Variants in YIPF7 observed in about 807,000 individuals in gnomAD.
YIPF7 encodes the protein Yip1 domain family member 7.
YIPF7 carries 35 observed loss-of-function variants against 27.2 expected under a neutral mutation model. The ratio of observed to expected loss-of-function variants is 1.29; its 90% CI spans 0.98 to 1.70. The LOEUF (loss-of-function observed/expected upper bound fraction) is 1.70, where lower values mean the gene tolerates loss of function less well. Among genes scored for constraint, YIPF7 ranks in the 40% most tolerant of loss-of-function variants. The probability of loss-of-function intolerance (pLI) is 0.00; values close to 1 mark genes in which losing one functional copy is unlikely to be tolerated. For missense variants in YIPF7, 358 were observed against 303.7 expected, an observed-to-expected ratio of 1.18 and a Z score of -1.33; for synonymous variants, 137 against 110.4, an observed-to-expected ratio of 1.24 and a Z score of -1.51.
intron 2 of YIPF7, among the ~76,000 whole-genome samples, chr4:44,639,889 T>C (rs897436657): frequency 6.6e-6 from 1 of 152,206 alleles, no homozygotes; most frequent in Non-Finnish European, 1.5e-5. Context: ...TTGTTGAGGG[T>C]TTTTATTATG....
upstream of YIPF7, among the ~76,000 whole-genome samples, chr4:44,655,350 C>T (rs1713858946): frequency 6.6e-6 from 1 of 151,972 alleles, no homozygotes; most frequent in South Asian, 2.1e-4. Flanking sequence ...CAGTCACACA[C>T]TTAGTATGTG....
intron 4 of YIPF7, 183 bp downstream of exon 4, chr4:44,629,220 C>T (rs1052554644): frequency 3.3e-6 from 2 of 598,390 alleles, no homozygotes; most frequent in African/African-American, 3.8e-5. Context: ...TAAATTTATA[C>T]TTTTTAGCTG....
At chr4:44,650,351 C>T (rs1035320268) in intron 1 of YIPF7, among the ~76,000 whole-genome samples, 13 of 152,142 alleles carry the variant, frequency 8.5e-5, no homozygotes, top group African/African-American at 3.1e-4. Flanking sequence ...CTTTTAATAA[C>T]TTGACTTTAA....
At chr4:44,640,267 T>A (rs1333593269) in intron 2 of YIPF7, among the ~76,000 whole-genome samples, 1 of 152,220 alleles carries the variant, frequency 6.6e-6, no homozygotes, top group Admixed American at 6.5e-5. Flanking sequence ...ATTAGTATTA[T>A]TTCTTTTTTG....
upstream of YIPF7, among the ~76,000 whole-genome samples, chr4:44,653,265 G>A (rs563614725): frequency 1.4e-4 from 21 of 152,176 alleles, no homozygotes; most frequent in South Asian, 2.3e-3. Flanking sequence ...CCTGTAGGCC[G>A]TGGTAAAGAG....
intron 2 of YIPF7, among the ~76,000 whole-genome samples, chr4:44,636,542 C>G (rs543985755): frequency 2.6e-5 from 4 of 152,142 alleles, no homozygotes; most frequent in Non-Finnish European, 5.9e-5. Context: ...CAGGGACAGT[C>G]TCCAGCCATG....
rs556877019 is a variant in YIPF7 at position 44,622,348 on chromosome 4, T to A, written c.*66A>T. ...CAGAAATCATATCACCAAATTTGAA[T>A]GTTAATATATTTCCAAAATAATCTG... On this transcript the variant is annotated 3_prime_UTR_variant, in exon 6 of 6. Transcript: ENST00000415895. 2.0e-6 allele frequency: 3 copies of A among 1,508,716 alleles called. No individual in the cohort carries two copies. The Admixed American group carries it at 6.8e-5, about 34-fold the overall frequency. The allele number at this position is 1,508,716 out of a possible 1,614,324, so 93.5% of individuals were successfully genotyped here.
chr4:44,630,720 T>G (rs1424789697), intron 3 of YIPF7, among the ~76,000 whole-genome samples: 1 of 152,208 alleles, frequency 6.6e-6, no homozygotes, highest in Non-Finnish European at 1.5e-5. Flanking sequence ...TAGGTCCTTC[T>G]GCTAGAATCT....
At chr4:44,626,282 C>G (rs1712631256) in intron 4 of YIPF7, among the ~76,000 whole-genome samples, 1 of 152,164 alleles carries the variant, frequency 6.6e-6, no homozygotes, top group South Asian at 2.1e-4. Flanking sequence ...AGAAATACAT[C>G]AGCTATCCAC....
upstream of YIPF7, among the ~76,000 whole-genome samples, chr4:44,653,851 C>CT (rs953318726): frequency 1.6e-4 from 24 of 151,696 alleles, no homozygotes; most frequent in African/African-American, 5.6e-4. Flanking sequence ...ATGGTACATT[C>CT]TTTTTTTTGA....
chr4:44,629,395 C>A lies in YIPF7; in HGVS notation c.426+8G>T. On this transcript the variant is annotated splice_region_variant and intron_variant, in intron 4 of 5. Transcript: ENST00000415895. ...CATTAAAATCTGGTGCTTCCTGTGACACATTACCAGAAGCAAGGTGGCTCC... is the reference window on the plus strand; with the variant it reads ...CATTAAAATCTGGTGCTTCCTGTGAAACATTACCAGAAGCAAGGTGGCTCC... 6.3e-7 allele frequency: 1 copy of A among 1,582,830 alleles called. No individual in the cohort carries two copies. Among genetic ancestry groups the A allele is most frequent in the South Asian group, 1.2e-5 (1 of 84,832 alleles).
At chr4:44,658,515 T>C (rs1713960478) in intron 2 of YIPF7, among the ~76,000 whole-genome samples, 1 of 152,182 alleles carries the variant, frequency 6.6e-6, no homozygotes, top group Admixed American at 6.5e-5. Context: ...ACCCTGTTGT[T>C]ATAAGATCAG....
chr4:44,628,490 T>C (rs1712750801), intron 4 of YIPF7, among the ~76,000 whole-genome samples: 1 of 152,168 alleles, frequency 6.6e-6, no homozygotes, highest in African/African-American at 2.4e-5. Flanking sequence ...TAAGAGCTTT[T>C]CCTATAATGT....
At chr4:44,637,905 G>A (rs1713184974) in intron 2 of YIPF7, among the ~76,000 whole-genome samples, 2 of 152,136 alleles carry the variant, frequency 1.3e-5, no homozygotes, top group African/African-American at 4.8e-5. Context: ...CATCTAGGTT[G>A]CTGCAAATGC....
chr4:44,649,491 C>G (rs1560329745), intron 2 of YIPF7, among the ~76,000 whole-genome samples: 1 of 152,168 alleles, frequency 6.6e-6, no homozygotes, highest in Non-Finnish European at 1.5e-5. Flanking sequence ...AACAATACAG[C>G]TCAGTGCGGT....
upstream of YIPF7, among the ~76,000 whole-genome samples, chr4:44,653,155 T>C (rs1305390706): frequency 6.6e-6 from 1 of 152,010 alleles, no homozygotes; most frequent in Non-Finnish European, 1.5e-5. Flanking sequence ...TGGTTTCTGG[T>C]TTAGAAATAA....
At chr4:44,660,717 G>A (rs1714025066) in intron 1 of YIPF7, 1 of 151,556 alleles carries the variant, frequency 6.6e-6, no homozygotes, top group African/African-American at 2.4e-5. Context: ...TTTGGTGAAT[G>A]GAATTGGTTT....
intron 5 of YIPF7, 70 bp from the exon 6 acceptor site, chr4:44,622,646 G>C (rs1301886449): frequency 6.4e-7 from 1 of 1,550,592 alleles, no homozygotes; most frequent in Non-Finnish European, 8.7e-7. Context: ...AGTTGCCTCT[G>C]AAATATCCTT....
At chr4:44,628,919 A>G (rs1712769969) in intron 4 of YIPF7, among the ~76,000 whole-genome samples, 1 of 152,108 alleles carries the variant, frequency 6.6e-6, no homozygotes, top group African/African-American at 2.4e-5. Flanking sequence ...TTGCAAATTA[A>G]TTTTTCATAG....
Sources: allele counts gnomAD v4.1 joint callset (sites outside exome capture counted in the v4.1 genomes callset), GRCh38; gene constraint gnomAD v4.1.1; transcripts MANE v1.5; gene names NCBI Gene and HGNC (gene_info 2026-07-23, HGNC 2026-07-21).